Variants in CEP89 observed in about 807,000 individuals in gnomAD.
The protein encoded by CEP89 is centrosomal protein 89.
Under a neutral mutation model 97.6 loss-of-function variants are expected in CEP89, and 95 were observed. The ratio of observed to expected loss-of-function variants is 0.97; its 90% CI spans 0.82 to 1.15. The LOEUF is 1.15. CEP89 is among the 50% of genes most tolerant of loss of function. CEP89 has a pLI of 0.00. For synonymous variants in CEP89, 354 were observed against 349.1 expected, an observed-to-expected ratio of 1.01 and a Z score of -0.16; for missense variants, 869 against 947.7, an observed-to-expected ratio of 0.92 and a Z score of 1.09.
chr19:32,965,846 C>T (rs1396797806), intron 2 of CEP89, among the ~76,000 whole-genome samples: 1 of 151,486 alleles, frequency 6.6e-6, no homozygotes, highest in Non-Finnish European at 1.5e-5. Context: ...GGTGAAGCCC[C>T]ATCTCTACTA....
rs1970523715 is a variant in CEP89, at chr19:32,933,662, A to G, written c.675T>C (p.Thr225=). ...CEKPPPSPDI[T]GRARQRYTEI... Reference sequence around the variant, plus strand: ...CTGTATATCTTTGACGTGCTCTACCAGTTATATCTGAAAGGGTTCAGGGGA... The same window carrying G: ...CTGTATATCTTTGACGTGCTCTACCGGTTATATCTGAAAGGGTTCAGGGGA... The change falls in exon 8 of 19, where the codon ACT becomes ACC. Residue 225 remains threonine (T), a synonymous_variant. Transcript: ENST00000305768. 1 of 1,602,814 alleles carries G rather than the reference A, an allele frequency of 6.2e-7. No individual in the cohort carries two copies. Among genetic ancestry groups the G allele is most frequent in the Non-Finnish European group, 8.5e-7 (1 of 1,170,954 alleles).
At chr19:32,921,547 T>C (rs1970250962) in intron 12 of CEP89, among the ~76,000 whole-genome samples, 1 of 152,260 alleles carries the variant, frequency 6.6e-6, no homozygotes. Flanking sequence ...GGCTGTGGAT[T>C]TGAAAGCAGG....
Position 32,915,223 on chromosome 19 carries a change from C to A in CEP89, c.1565+114G>T, listed in dbSNP as rs1970096230. The A allele has an allele frequency of 7.5e-6, 7 of 937,232 alleles. No homozygotes were observed. In the Admixed American group the frequency reaches 1.3e-4, roughly 17 times the overall value. 58.1% of individuals were successfully genotyped at this position (937,232 alleles called of 1,614,324 possible). ...CCTGTAATCCCAAAACTTTGAGAGG[C>A]TGGGATGGGCAGATCACTTGAGCCC... On this transcript the variant is annotated intron_variant, in intron 14 of 18. Transcript: ENST00000305768.
chr19:32,927,592 C>G (rs1970387168), intron 9 of CEP89, among the ~76,000 whole-genome samples: 1 of 151,984 alleles, frequency 6.6e-6, no homozygotes. Context: ...ATTTAGCTGT[C>G]AAGTCTTTTA....
chr19:32,965,115 G>C (rs529661785), intron 2 of CEP89, among the ~76,000 whole-genome samples: 1 of 152,230 alleles, frequency 6.6e-6, no homozygotes, highest in Non-Finnish European at 1.5e-5. Context: ...GATTTGCTAT[G>C]TTGCCCAGGC....
chr19:32,954,757 C>T (rs113932457), intron 3 of CEP89, among the ~76,000 whole-genome samples: 17 of 150,964 alleles, frequency 1.1e-4, no homozygotes, highest in African/African-American at 3.9e-4. Flanking sequence ...CTCTGCCTCC[C>T]GGGTTCAAGT....
At chr19:32,898,688 C>T (rs1436660939) in intron 16 of CEP89, among the ~76,000 whole-genome samples, 1 of 152,012 alleles carries the variant, frequency 6.6e-6, no homozygotes, top group Non-Finnish European at 1.5e-5. Flanking sequence ...TCAAGACCAG[C>T]CTGGCCAATG....
chr19:32,971,765 C>A, intron 1 of CEP89, 71 bp downstream of exon 1: 5 of 1,504,666 alleles, frequency 3.3e-6, no homozygotes, highest in Non-Finnish European at 3.6e-6. Flanking sequence ...AAACCCCAAC[C>A]CGCCCCAACA....
Position 32,896,778 on chromosome 19 carries a change from TC to T in CEP89, c.1875+3078del, listed in dbSNP as rs200725560. Among the ~76,000 whole-genome samples, 231 of 149,654 alleles carry T rather than the reference TC, an allele frequency of 1.5e-3. 2 individuals carry two copies. The highest frequency in any genetic ancestry group is 4.7e-3 in the African/African-American group (194 of 40,932). On this transcript the variant is annotated intron_variant, in intron 16 of 18. Coordinates refer to ENST00000305768, the MANE Select transcript of CEP89 (RefSeq NM_032816.5). ...TCAGTTCTCTCTGTCTCTCTCTCTC[TC>T]TTTTTTTTTTTAAGGAACACAACTC...
At chr19:32,965,691 G>C (rs28607873) in intron 2 of CEP89, among the ~76,000 whole-genome samples, 5 of 148,482 alleles carry the variant, frequency 3.4e-5, no homozygotes, top group Non-Finnish European at 5.9e-5. Context: ...GCAAGATCTT[G>C]CCTTGAAAAA....
chr19:32,930,770 A>C (rs1199243269), intron 9 of CEP89, among the ~76,000 whole-genome samples: 1 of 152,248 alleles, frequency 6.6e-6, no homozygotes, highest in East Asian at 1.9e-4. Flanking sequence ...AACTGTTCTT[A>C]GAACTGAAAA....
intron 4 of CEP89, among the ~76,000 whole-genome samples, chr19:32,952,964 A>G (rs895052763): frequency 6.6e-6 from 1 of 151,798 alleles, no homozygotes; most frequent in Non-Finnish European, 1.5e-5. Context: ...AGAAAAAAAT[A>G]AAGGAAAAAG....
At chr19:32,898,421 T>G (rs73049201) in intron 16 of CEP89, among the ~76,000 whole-genome samples, 18,650 of 152,048 alleles carry the variant, frequency 0.12, 1,357 homozygotes, top group Non-Finnish European at 0.17. Flanking sequence ...GGGGGGCAGG[T>G]GGCTGAATGA....
intron 14 of CEP89, among the ~76,000 whole-genome samples, chr19:32,904,549 G>A (rs932872940): frequency 6.6e-6 from 1 of 151,100 alleles, no homozygotes; most frequent in Non-Finnish European, 1.5e-5. Flanking sequence ...TTCTCATGAT[G>A]ATAGCCTATC....
intron 9 of CEP89, among the ~76,000 whole-genome samples, chr19:32,930,751 G>T (rs1030607414): frequency 6.6e-6 from 1 of 152,136 alleles, no homozygotes; most frequent in African/African-American, 2.4e-5. Flanking sequence ...GTGTGGAGTT[G>T]GACTCTGCAA....
At chr19:32,912,596 A>C (rs746333740) in intron 14 of CEP89, among the ~76,000 whole-genome samples, 1 of 152,078 alleles carries the variant, frequency 6.6e-6, no homozygotes, top group South Asian at 2.1e-4. Flanking sequence ...TCACTATCCT[A>C]TTGGTTGCTT....
At chr19:32,946,905 C>T (rs760406523) in intron 5 of CEP89, among the ~76,000 whole-genome samples, 4 of 150,840 alleles carry the variant, frequency 2.7e-5, no homozygotes, top group South Asian at 2.1e-4. Context: ...AGCGTGAAAA[C>T]GGACTAATGC....
chr19:32,900,246 ATTT>A (rs55730702), intron 15 of CEP89, among the ~76,000 whole-genome samples: 2 of 133,958 alleles, frequency 1.5e-5, no homozygotes, highest in Admixed American at 7.7e-5. Flanking sequence ...GAATAGGTTC[ATTT>A]TTTTTTTTTT....
At chr19:32,963,523 A>T (rs1971212912) in intron 2 of CEP89, 1 of 152,230 alleles carries the variant, frequency 6.6e-6, no homozygotes, top group African/African-American at 2.4e-5. Flanking sequence ...GGAGGGCAAT[A>T]AGAAGGGTTG....
Sources: gnomAD v4.1 joint callset for allele counts (sites outside exome capture counted in the v4.1 genomes callset) on GRCh38, gnomAD v4.1.1 for gene constraint, MANE v1.5 for transcripts, NCBI Gene and HGNC (gene_info 2026-07-23, HGNC 2026-07-21) for gene names.